The following ETV1 variants were observed in gnomAD, a reference collection of about 807,000 sequenced individuals.
ETV1 encodes the protein ETS variant transcription factor 1, also known as ETS translocation variant 1.
ETV1 carries 27 observed loss-of-function variants against 62.3 expected under a neutral mutation model. That is an observed-to-expected ratio of 0.43 (90% confidence interval 0.32 to 0.60). ETV1 has a LOEUF of 0.60. ETV1 is among the 20% of genes least tolerant of loss of function. The pLI is 0.06. For synonymous variants in ETV1, 222 were observed against 199.6 expected (o/e 1.11, Z -0.94); for missense variants, 605 against 605.8 (o/e 1.00, Z 0.01).
intron 13 of ETV1, among the ~76,000 whole-genome samples, chr7:13,898,312 A>C (rs1782050114): frequency 6.6e-6 from 1 of 152,358 alleles, no homozygotes; most frequent in African/African-American, 2.4e-5. Context: ...CTGTGCTTTC[A>C]ATGGCTGGAT....
chr7:13,942,341 GT>G (rs1307013666), intron 6 of ETV1, among the ~76,000 whole-genome samples: 1 of 140,168 alleles, frequency 7.1e-6, no homozygotes, highest in African/African-American at 2.5e-5. Context: ...TAAACAAGTG[GT>G]TTTCGATTAT....
chr7:13,953,130 A>G (rs1484715121), intron 6 of ETV1, among the ~76,000 whole-genome samples: 6 of 152,220 alleles, frequency 3.9e-5, no homozygotes, highest in Non-Finnish European at 8.8e-5. Context: ...TTTTTTGGAA[A>G]CAAATTCTGT....
At chr7:13,904,955 T>A (rs945534976) in intron 12 of ETV1, among the ~76,000 whole-genome samples, 6 of 147,938 alleles carry the variant, frequency 4.1e-5, no homozygotes, top group African/African-American at 1.5e-4. Context: ...CCAAACGTCA[T>A]CCTAGATAAT....
chr7:13,984,124 C>G (rs954813171), intron 5 of ETV1, among the ~76,000 whole-genome samples: 2 of 151,928 alleles, frequency 1.3e-5, no homozygotes, highest in African/African-American at 4.8e-5. Flanking sequence ...TAACTTGACT[C>G]TTATGTCTAA....
intron 6 of ETV1, among the ~76,000 whole-genome samples, chr7:13,962,068 G>A (rs1037696835): frequency 6.6e-6 from 1 of 151,816 alleles, no homozygotes; most frequent in Non-Finnish European, 1.5e-5. Flanking sequence ...TATGTTTTGT[G>A]TATTTCATAT....
chr7:13,905,773 T>G (rs1000239156), intron 12 of ETV1, among the ~76,000 whole-genome samples: 4 of 152,160 alleles, frequency 2.6e-5, no homozygotes, highest in African/African-American at 9.7e-5. Flanking sequence ...CATTTTAAAC[T>G]TCATCCCAAC....
rs143565833 is a variant in ETV1 at position 13,980,052 on chromosome 7, T to C, written c.182-2572A>G. Among the ~76,000 whole-genome samples, 23 of 152,264 alleles carry C rather than the reference T, an allele frequency of 1.5e-4. No homozygotes were observed. The South Asian group carries it at 4.6e-3, about 30-fold the overall frequency. The stretch of plus-strand genomic sequence containing the variant: ...AATCTGTAAAGAGTAAGAATAAGAA[T>C]TCCTATTTCTGTTCTAACTCCTTAA... On this transcript the variant is annotated intron_variant, in intron 5 of 13. Coordinates refer to ENST00000430479, the MANE Select transcript of ETV1 (RefSeq NM_004956.5).
chr7:13,902,312 C>T lies in ETV1; in HGVS notation c.1111-1473G>A, dbSNP rs370338179. ...GAAATACCGATCCTAGCTATTTTCC[C>T]TCTCAGTAATTTTTATTCTCTGAAT... On this transcript the variant is annotated intron_variant, in intron 12 of 13. Coordinates refer to ENST00000430479, the MANE Select transcript of ETV1 (RefSeq NM_004956.5). Among the ~76,000 whole-genome samples, 13 of 151,658 alleles carry T rather than the reference C, an allele frequency of 8.6e-5. No individual in the cohort carries two copies. In the East Asian group the frequency reaches 1.9e-3, roughly 23 times the overall value.
At chr7:13,932,318 C>T (rs1242063161) in intron 8 of ETV1, among the ~76,000 whole-genome samples, 1 of 152,138 alleles carries the variant, frequency 6.6e-6, no homozygotes, top group South Asian at 2.1e-4. Context: ...ATTAACATTG[C>T]GTTCTAGTAA....
chr7:13,978,204 T>G (rs909250895), intron 5 of ETV1, among the ~76,000 whole-genome samples: 4 of 152,186 alleles, frequency 2.6e-5, no homozygotes, highest in African/African-American at 4.8e-5. Flanking sequence ...AGTCCTCATG[T>G]CAAAAGACGT....
chr7:13,909,629 T>A lies in ETV1; in HGVS notation c.940+3A>T. ...AGAACTTGAGGCAAAGTGTAAAACC[T>A]ACCATCGAATTTTTCTGGGACAACA... On this transcript the variant is annotated splice_donor_region_variant and intron_variant, in intron 11 of 13. Coordinates refer to ENST00000430479, the MANE Select transcript of ETV1 (RefSeq NM_004956.5). The A allele has an allele frequency of 6.2e-7, 1 of 1,611,486 alleles. No homozygotes were observed. Among genetic ancestry groups the A allele is most frequent in the Non-Finnish European group, 8.5e-7 (1 of 1,177,836 alleles).
In ETV1 at chr7:13,905,217, G is replaced by A. The variant is rs75458462; in HGVS notation, c.1110+1213C>T. Among the ~76,000 whole-genome samples the A allele has an allele frequency of 6.5e-3, 991 of 152,094 alleles. 66 individuals are homozygous for A. The East Asian group carries it at 0.15, about 22-fold the overall frequency. Reference sequence around the variant, plus strand: ...AATTAGGGCATATTATCTGATTATAGTTGAATACGTGGTTTAATAAAGACA... The same window carrying A: ...AATTAGGGCATATTATCTGATTATAATTGAATACGTGGTTTAATAAAGACA... On this transcript the variant is annotated intron_variant, in intron 12 of 13. Coordinates refer to ENST00000430479, the MANE Select transcript of ETV1 (RefSeq NM_004956.5).
At chr7:13,978,665 ACTGAATGG>A in intron 5 of ETV1, among the ~76,000 whole-genome samples, 1 of 152,152 alleles carries the variant, frequency 6.6e-6, no homozygotes, top group Middle Eastern at 3.4e-3. Context: ...CAGGTTGGTA[ACTGAATGG>A]CTTAAGAAAA....
At chr7:13,970,410 T>G (rs560769825) in intron 6 of ETV1, among the ~76,000 whole-genome samples, 1 of 151,796 alleles carries the variant, frequency 6.6e-6, no homozygotes, top group African/African-American at 2.4e-5. Flanking sequence ...GAATACTAAC[T>G]TGGGCGAGAA....
At chr7:13,916,707 T>C (rs1049529425) in intron 9 of ETV1, among the ~76,000 whole-genome samples, 4 of 152,120 alleles carry the variant, frequency 2.6e-5, no homozygotes, top group Non-Finnish European at 4.4e-5. Context: ...GGTGGGAGGA[T>C]TGATTGAGCC....
intron 6 of ETV1, among the ~76,000 whole-genome samples, chr7:13,949,292 A>G (rs1356943904): frequency 6.6e-6 from 1 of 152,226 alleles, no homozygotes; most frequent in Non-Finnish European, 1.5e-5. Flanking sequence ...ATATGTAGTT[A>G]GGAATACACT....
intron 6 of ETV1, among the ~76,000 whole-genome samples, chr7:13,964,579 G>A (rs1168777729): frequency 7.9e-5 from 12 of 152,046 alleles, no homozygotes; most frequent in African/African-American, 2.9e-4. Flanking sequence ...ATTGATAAAC[G>A]AGACAAAACC....
chr7:13,907,597 C>G (rs2128415580), intron 11 of ETV1, among the ~76,000 whole-genome samples: 1 of 152,186 alleles, frequency 6.6e-6, no homozygotes, highest in South Asian at 2.1e-4. Context: ...CCATCTCCAG[C>G]CACATGTCTC....
chr7:13,897,028 G>A (rs1781916456), intron 13 of ETV1, among the ~76,000 whole-genome samples: 1 of 151,914 alleles, frequency 6.6e-6, no homozygotes, highest in South Asian at 2.1e-4. Flanking sequence ...AATTTATAGG[G>A]TATGACATAC....
Sources: gnomAD v4.1 joint callset for allele counts (sites outside exome capture counted in the v4.1 genomes callset) on GRCh38, gnomAD v4.1.1 for gene constraint, MANE v1.5 for transcripts, NCBI Gene and HGNC (gene_info 2026-07-23, HGNC 2026-07-21) for gene names.